Variants in JPH2 observed in about 807,000 individuals in gnomAD.
JPH2 encodes the protein junctophilin 2, also known as junctophilin-2.
JPH2 carries 38 observed loss-of-function variants against 55.9 expected under a neutral mutation model. That is an observed-to-expected ratio of 0.68 (90% confidence interval 0.52 to 0.89). The LOEUF is 0.89. Among genes scored for constraint, JPH2 ranks in the 40% least tolerant of loss-of-function variants. JPH2 has a pLI of 0.00. For missense variants in JPH2, 964 were observed against 1,037.6 expected, an observed-to-expected ratio of 0.93 and a Z score of 0.97; for synonymous variants, 480 against 472.4, an observed-to-expected ratio of 1.02 and a Z score of -0.21.
chr20:44,158,931 G>T (rs1208216114), intron 2 of JPH2, among the ~76,000 whole-genome samples: 2 of 152,218 alleles, frequency 1.3e-5, no homozygotes, highest in East Asian at 1.9e-4. Flanking sequence ...ATTGGTGGGT[G>T]AGGGGACGGG....
chr20:44,177,592 T>C (rs2072745121), intron 1 of JPH2: 1 of 1,167,466 alleles, frequency 8.6e-7, no homozygotes, highest in African/African-American at 1.6e-5. Flanking sequence ...CTCAGCTGAC[T>C]GTCACGCTGA....
At chr20:44,134,345 T>A (rs551769734) in intron 2 of JPH2, among the ~76,000 whole-genome samples, 8 of 7,146 alleles carry the variant, frequency 1.1e-3, no homozygotes, top group South Asian at 5.3e-3. Flanking sequence ...TAATAAATAT[T>A]TATTATAAAT....
chr20:44,108,826 C>T lies in JPH2; in HGVS notation c.*4692G>A, dbSNP rs2072123595. On this transcript the variant is annotated 3_prime_UTR_variant, in exon 6 of 6. Coordinates refer to ENST00000372980, the MANE Select transcript of JPH2 (RefSeq NM_020433.5). ...CGCTCAGTCCAGGCTCTGTCACTGA[C>T]TTGCTGTGTGATCCTTACAAATCAC... Among the ~76,000 whole-genome samples, 1 of 152,122 alleles carries T rather than the reference C, an allele frequency of 6.6e-6. No homozygotes were observed. Among genetic ancestry groups the T allele is most frequent in the Non-Finnish European group, 1.5e-5 (1 of 68,016 alleles).
intron 4 of JPH2, among the ~76,000 whole-genome samples, chr20:44,115,332 C>T (rs2072179907): frequency 6.6e-6 from 1 of 152,132 alleles, no homozygotes; most frequent in South Asian, 2.1e-4. Context: ...GCTGCTGGTG[C>T]CCAGCCCAAC....
In JPH2 at chr20:44,110,659, G is replaced by A. The variant is rs2072135662; in HGVS notation, c.*2859C>T. Among the ~76,000 whole-genome samples the A allele has an allele frequency of 6.6e-6, 1 of 152,120 alleles. No homozygotes were observed. The highest frequency in any genetic ancestry group is 1.5e-5 in the Non-Finnish European group (1 of 68,020). ...TTGGCCAGGCTGGTCTCAAACTCCT[G>A]ACCTCAAGTGATCCACCTGCCTCAG... On this transcript the variant is annotated 3_prime_UTR_variant, in exon 6 of 6. Coordinates refer to ENST00000372980, the MANE Select transcript of JPH2 (RefSeq NM_020433.5).
At chr20:44,179,894 A>G (rs896511628) in intron 1 of JPH2, among the ~76,000 whole-genome samples, 1 of 152,180 alleles carries the variant, frequency 6.6e-6, no homozygotes, top group Non-Finnish European at 1.5e-5. Flanking sequence ...AGCCGTAACT[A>G]CTTCTCCATG....
At position 44,160,122 on chromosome 20, in the gene JPH2, T is replaced by C. The variant is rs766395991; in HGVS notation, c.665A>G (p.Gln222Arg). The C allele has an allele frequency of 1.1e-5, 17 of 1,505,552 alleles. No homozygotes were observed. The highest frequency in any genetic ancestry group is 4.3e-4 in the Middle Eastern group (2 of 4,626). The allele number at this position is 1,505,552 out of a possible 1,614,324, so 93.3% of individuals were successfully genotyped here. The change falls in exon 2 of 6, where the codon CAG becomes CGG. Residue 222 changes from glutamine (Q) to arginine (R), a missense_variant. Transcript: ENST00000372980. This position sits in a 1 kb window ranked among gnomAD's most constrained non-coding sequence, Gnocchi z 4.9. Reference protein sequence around the residue: ...ARAPKGGGLFQRGALLGKLRR... With the variant: ...ARAPKGGGLFRRGALLGKLRR... ...CAGCTTGCCCAGCAGCGCGCCCCGC[T>C]GGAAGAGGCCGCCGCCCTTGGGCGC...
chr20:44,147,177 C>T (rs1332102543), intron 2 of JPH2, among the ~76,000 whole-genome samples: 1 of 152,118 alleles, frequency 6.6e-6, no homozygotes, highest in Non-Finnish European at 1.5e-5. Flanking sequence ...TTGCAAAGGC[C>T]CACGTGAATT....
chr20:44,181,550 T>A (rs2145899954), intron 1 of JPH2, among the ~76,000 whole-genome samples: 1 of 152,332 alleles, frequency 6.6e-6, no homozygotes, highest in East Asian at 1.9e-4. Context: ...GGAAGACTGC[T>A]GTTTCCTTTG....
chr20:44,179,384 G>A (rs964932910), intron 1 of JPH2, among the ~76,000 whole-genome samples: 3 of 152,156 alleles, frequency 2.0e-5, no homozygotes, highest in Non-Finnish European at 4.4e-5. Context: ...ATCTTATAGT[G>A]GGATTGCAAT....
chr20:44,138,734 C>A (rs540206588), intron 2 of JPH2, among the ~76,000 whole-genome samples: 1 of 152,116 alleles, frequency 6.6e-6, no homozygotes, highest in African/African-American at 2.4e-5. Context: ...TTTTGCTTCA[C>A]TGTATTCTTT....
At chr20:44,142,630 A>G (rs989190921) in intron 2 of JPH2, among the ~76,000 whole-genome samples, 2 of 152,126 alleles carry the variant, frequency 1.3e-5, no homozygotes, top group Non-Finnish European at 1.5e-5. Context: ...CCCTGACCAC[A>G]TATTTTGAAA....
Position 44,138,009 on chromosome 20 carries a change from C to CTTTTT in JPH2, c.1170-19391_1170-19387dup, listed in dbSNP as rs556691395. ...AAAAAGAGAAAAAATTTAAAAAGAC[C>CTTTTT]TTTTTTTTTTTTTTTTGAGACGGAG... On this transcript the variant is annotated intron_variant, in intron 2 of 5. Coordinates refer to ENST00000372980, the MANE Select transcript of JPH2 (RefSeq NM_020433.5). 8.7e-3 allele frequency among the ~76,000 whole-genome samples: 1,225 copies of CTTTTT among 140,758 alleles called. 19 individuals carry two copies. The highest frequency in any genetic ancestry group is 0.03 in the African/African-American group (1,159 of 38,212). The allele number at this position is 140,758 out of a possible 152,430, so 92.3% of individuals were successfully genotyped here. A position where few individuals can be genotyped will look rare whatever the true frequency, so the allele number is the denominator to read the frequency against.
rs1013597300 is a variant in JPH2 at position 44,144,716 on chromosome 20, G to A, written c.1169+14902C>T. ...CGGAAGCCCAGCTGTGTCAGTTCTC[G>A]TGTGAGTTTGGACTGGTTTTCTCAT... On this transcript the variant is annotated intron_variant, in intron 2 of 5. Coordinates refer to ENST00000372980, the MANE Select transcript of JPH2 (RefSeq NM_020433.5). Among the ~76,000 whole-genome samples the A allele has an allele frequency of 4.6e-5, 7 of 152,166 alleles. No homozygotes were observed. In the East Asian group the frequency reaches 5.8e-4, roughly 13 times the overall value.
At position 44,115,943 on chromosome 20, in the gene JPH2, G is replaced by C; in HGVS notation, c.1732C>G (p.Pro578Ala). Residue 578 changes from proline to alanine, a missense_variant, in exon 4 of 6, where the codon CCC (proline) becomes GCC (alanine). Physicochemically the swap from Pro to Ala is conservative, Grantham distance 27. Transcript: ENST00000372980. The stretch of plus-strand genomic sequence containing the variant: ...TCGGGCTGGTCCTCAAAGGGTGGGG[G>C]CTCGGGCGGCGTGGTGCGCACAGCA... ...SYAVRTTPPE[P>A]PPFEDQPEPE... is the part of the protein sequence containing the mutation. The C allele has an allele frequency of 1.3e-6, 2 of 1,568,560 alleles. No homozygotes were observed. The highest frequency in any genetic ancestry group is 2.3e-5 in the South Asian group (2 of 88,062).
chr20:44,174,920 C>T (rs1251055744), intron 1 of JPH2, among the ~76,000 whole-genome samples: 1 of 152,064 alleles, frequency 6.6e-6, no homozygotes, highest in Admixed American at 6.6e-5. Context: ...TTGAGCCCCC[C>T]GTGCAGGGGT....
Position 44,160,323 on chromosome 20 carries a change from A to C in JPH2, c.464T>G (p.Val155Gly). 1 of 1,568,086 alleles carries C rather than the reference A, an allele frequency of 6.4e-7. No individual in the cohort carries two copies. Among genetic ancestry groups the C allele is most frequent in the East Asian group, 2.4e-5 (1 of 42,072 alleles). The stretch of plus-strand genomic sequence containing the variant: ...CAGCGACGTGCGCAGCGGCGAGCGC[A>C]CCACCACGGCCATCCCGTAGGGCAC... The part of the protein sequence containing the change: ...QSVPYGMAVV[V>G]RSPLRTSLSS... Residue 155 changes from valine to glycine, a missense_variant, in exon 2 of 6, where the codon GTG (valine) becomes GGG (glycine). Val to Gly is a moderately radical substitution (Grantham distance 109). Coordinates refer to ENST00000372980, the MANE Select transcript of JPH2 (RefSeq NM_020433.5). This position sits in a 1 kb window ranked among gnomAD's most constrained non-coding sequence, Gnocchi z 4.9.
At chr20:44,173,251 A>G (rs1445857530) in intron 1 of JPH2, among the ~76,000 whole-genome samples, 1 of 152,172 alleles carries the variant, frequency 6.6e-6, no homozygotes, top group Non-Finnish European at 1.5e-5. Context: ...TAACATCACT[A>G]CTGTCAAAAC....
chr20:44,172,324 A>G (rs1307221714), intron 1 of JPH2, among the ~76,000 whole-genome samples: 1 of 152,180 alleles, frequency 6.6e-6, no homozygotes, highest in African/African-American at 2.4e-5. Context: ...ATAGTAGCAA[A>G]CCAGCTCTTT....
Sources: allele counts gnomAD v4.1 joint callset (sites outside exome capture counted in the v4.1 genomes callset), GRCh38; gene constraint gnomAD v4.1.1; non-coding constraint Gnocchi (gnomAD v3.1); transcripts MANE v1.5; gene names NCBI Gene and HGNC (gene_info 2026-07-23, HGNC 2026-07-21).